WDPCP: variants seen among roughly 807,000 people sequenced by gnomAD.
WDPCP encodes the protein WD repeat containing planar cell polarity effector, also known as WD repeat-containing and planar cell polarity effector protein fritz homolog.
A neutral mutation model predicts 93.1 loss-of-function variants in WDPCP; 71 were observed. The ratio of observed to expected loss-of-function variants is 0.76; its 90% CI spans 0.63 to 0.93. The LOEUF (loss-of-function observed/expected upper bound fraction) is 0.93, where lower values mean the gene tolerates loss of function less well. Among genes scored for constraint, WDPCP ranks in the 40% least tolerant of loss-of-function variants. WDPCP has a pLI of 0.00. For synonymous variants in WDPCP, 315 were observed against 315.0 expected, an observed-to-expected ratio of 1.00 and a Z score of 0.00; for missense variants, 844 against 887.4, an observed-to-expected ratio of 0.95 and a Z score of 0.62.
intron 14 of WDPCP, among the ~76,000 whole-genome samples, chr2:63,200,213 A>G (rs1675796506): frequency 6.6e-6 from 1 of 152,134 alleles, no homozygotes; most frequent in African/African-American, 2.4e-5. Context: ...TTAAGATGAG[A>G]AAAGGGAAAA....
At chr2:63,528,675 T>C (rs1703558056) in intron 1 of WDPCP, among the ~76,000 whole-genome samples, 1 of 152,216 alleles carries the variant, frequency 6.6e-6, no homozygotes, top group Admixed American at 6.5e-5. Context: ...TTCTTTTGGC[T>C]TAGGATTGAC....
At chr2:63,536,772 G>GTTTTT (rs1558773850) in intron 1 of WDPCP, among the ~76,000 whole-genome samples, 3 of 35,480 alleles carry the variant, frequency 8.5e-5, no homozygotes, top group Non-Finnish European at 1.3e-4. Context: ...GATTCTTCAT[G>GTTTTT]CTTTTTTTTT....
At chr2:63,148,357 T>A (rs1222996464) in intron 17 of WDPCP, among the ~76,000 whole-genome samples, 2 of 152,148 alleles carry the variant, frequency 1.3e-5, no homozygotes, top group Admixed American at 1.3e-4. Context: ...TTTTTCCTTT[T>A]GAGACAGAGT....
chr2:63,551,884 TCA>T (rs1247116827), intron 1 of WDPCP, among the ~76,000 whole-genome samples: 2 of 151,238 alleles, frequency 1.3e-5, no homozygotes, highest in African/African-American at 4.9e-5. Context: ...CCTATCCCCA[TCA>T]CAGTCTTTCC....
chr2:63,198,838 G>A lies in WDPCP; in HGVS notation c.1916-24006C>T, dbSNP rs1050637374. Among the ~76,000 whole-genome samples the A allele has an allele frequency of 2.6e-5, 4 of 152,332 alleles. No individual in the cohort carries two copies. In the South Asian group the frequency reaches 8.3e-4, roughly 32 times the overall value. ...GTAGAAGCAACTTTGGAACTGGGTA[G>A]TGGGCAGAAGTTGGAACAGTTTGGA... is the stretch of plus-strand genomic sequence containing the variant. On this transcript the variant is annotated intron_variant, in intron 14 of 17. Coordinates refer to ENST00000272321, the MANE Select transcript of WDPCP (RefSeq NM_015910.7).
At position 63,420,400 on chromosome 2, in the gene WDPCP, G is replaced by A. The variant is rs560072875; in HGVS notation, c.825+13345C>T. On this transcript the variant is annotated intron_variant, in intron 9 of 17. Coordinates refer to ENST00000272321, the MANE Select transcript of WDPCP (RefSeq NM_015910.7). ...AACAGAAAAATTAGCCGGCTATGGT[G>A]GCACATGCCTGTAATCCCAGCTATT... 2.0e-5 allele frequency among the ~76,000 whole-genome samples: 3 copies of A among 150,922 alleles called. No individual in the cohort carries two copies. In the East Asian group the frequency reaches 5.8e-4, roughly 29 times the overall value.
chr2:63,789,443 A>G (rs540178548), intron 2 of WDPCP, among the ~76,000 whole-genome samples: 4 of 152,088 alleles, frequency 2.6e-5, no homozygotes, highest in Non-Finnish European at 5.9e-5. Context: ...GTTTCTATCA[A>G]CCCAAGGGTA....
intron 6 of WDPCP, among the ~76,000 whole-genome samples, chr2:63,444,011 G>A (rs564890533): frequency 3.9e-5 from 6 of 152,250 alleles, no homozygotes; most frequent in African/African-American, 1.4e-4. Context: ...TCAGAAATGT[G>A]TCTGAACTTC....
At chr2:63,832,015 T>G (rs1178745654), upstream of WDPCP, among the ~76,000 whole-genome samples, 1 of 152,230 alleles carries the variant, frequency 6.6e-6, no homozygotes, top group Non-Finnish European at 1.5e-5. Flanking sequence ...TCTTTGAGAC[T>G]ACAATTATGG....
rs185639565 is a variant in WDPCP at position 63,513,395 on chromosome 2, G to C, written c.76-20455C>G. On this transcript the variant is annotated intron_variant, in intron 1 of 17. Transcript: ENST00000272321. ...GGGGAGAGGATGAGTGCTGAAGTAG[G>C]GGTTGTTGAGGCTCAGACCACTAGA... 5.7e-4 allele frequency among the ~76,000 whole-genome samples: 86 copies of C among 152,176 alleles called. No homozygotes were observed. The South Asian group carries it at 7.1e-3, about 13-fold the overall frequency.
At chr2:63,781,253 G>A (rs1313647497) in intron 2 of WDPCP, among the ~76,000 whole-genome samples, 1 of 152,152 alleles carries the variant, frequency 6.6e-6, no homozygotes, top group Non-Finnish European at 1.5e-5. Flanking sequence ...ATGCCATGTA[G>A]GTATTTGCTG....
At chr2:63,705,930 C>G (rs2103728551) in intron 2 of WDPCP, among the ~76,000 whole-genome samples, 1 of 152,194 alleles carries the variant, frequency 6.6e-6, no homozygotes, top group East Asian at 1.9e-4. Context: ...GTGTGGGAGT[C>G]TAAGTCTCTT....
intron 1 of WDPCP, among the ~76,000 whole-genome samples, chr2:63,818,615 A>G (rs1408337433): frequency 6.6e-6 from 1 of 152,234 alleles, no homozygotes; most frequent in Non-Finnish European, 1.5e-5. Flanking sequence ...CTACTTAGCA[A>G]TGAAAATGAT....
At chr2:63,303,582 A>C (rs1284783379) in intron 13 of WDPCP, among the ~76,000 whole-genome samples, 1 of 152,174 alleles carries the variant, frequency 6.6e-6, no homozygotes, top group Non-Finnish European at 1.5e-5. Flanking sequence ...CATCAGTATA[A>C]TGGAAAACAC....
At chr2:63,181,425 C>T (rs191970425) in intron 14 of WDPCP, among the ~76,000 whole-genome samples, 34 of 152,194 alleles carry the variant, frequency 2.2e-4, no homozygotes, top group Admixed American at 2.0e-3. Context: ...ATCCAATTTT[C>T]CTAGCACCAC....
chr2:63,753,594 C>G (rs914463488), intron 2 of WDPCP, among the ~76,000 whole-genome samples: 1 of 152,190 alleles, frequency 6.6e-6, no homozygotes, highest in African/African-American at 2.4e-5. Context: ...GAAACCAGCA[C>G]TTCACATGGC....
chr2:63,783,658 A>C (rs561797614), intron 2 of WDPCP, among the ~76,000 whole-genome samples: 1 of 152,310 alleles, frequency 6.6e-6, no homozygotes, highest in African/African-American at 2.4e-5. Context: ...ATCTTAAGTG[A>C]AATGACTCAG....
chr2:63,822,870 G>GAT (rs948009921), intron 1 of WDPCP, among the ~76,000 whole-genome samples: 2 of 150,300 alleles, frequency 1.3e-5, no homozygotes, highest in Non-Finnish European at 3.0e-5. Flanking sequence ...ATATATATTT[G>GAT]ATATATATAT....
intron 12 of WDPCP, among the ~76,000 whole-genome samples, chr2:63,358,545 G>A (rs892851053): frequency 1.3e-5 from 2 of 152,068 alleles, no homozygotes; most frequent in Admixed American, 1.3e-4. Context: ...GCTCACTGCA[G>A]CCTCATACTC....
Sources: allele counts gnomAD v4.1 joint callset (sites outside exome capture counted in the v4.1 genomes callset), GRCh38; gene constraint gnomAD v4.1.1; transcripts MANE v1.5; gene names NCBI Gene and HGNC (gene_info 2026-07-23, HGNC 2026-07-21).